The following SLC9A2 variants were observed in gnomAD, a reference collection of about 807,000 sequenced individuals.
The protein encoded by SLC9A2 is solute carrier family 9 member A2, also known as sodium/hydrogen exchanger 2.
Under a neutral mutation model 71.7 loss-of-function variants are expected in SLC9A2, and 42 were observed. The observed-to-expected ratio is 0.59, with a 90% CI of 0.46 to 0.76. SLC9A2 has a LOEUF of 0.76. SLC9A2 is among the 30% of genes least tolerant of loss of function. The pLI is 0.00. For synonymous variants in SLC9A2, 396 were observed against 392.5 expected (o/e 1.01, Z -0.10); for missense variants, 829 against 1,017.4 (o/e 0.81, Z 2.52).
chr2:102,641,084 G>A (rs138405294), intron 1 of SLC9A2, among the ~76,000 whole-genome samples: 1 of 152,296 alleles, frequency 6.6e-6, no homozygotes, highest in Non-Finnish European at 1.5e-5. Context: ...ACTACATACT[G>A]TATGAGGTAA....
intron 10 of SLC9A2, among the ~76,000 whole-genome samples, chr2:102,705,316 T>C (rs532067564): frequency 6.6e-6 from 1 of 152,324 alleles, no homozygotes; most frequent in Non-Finnish European, 1.5e-5. Context: ...AATGGTTATA[T>C]GTGAACAAGG....
chr2:102,672,207 T>C (rs1251628380), intron 3 of SLC9A2, among the ~76,000 whole-genome samples: 1 of 152,206 alleles, frequency 6.6e-6, no homozygotes, highest in Non-Finnish European at 1.5e-5. Context: ...GTAATTTCTA[T>C]ACTGATTTGA....
chr2:102,682,142 C>G (rs756470186), intron 3 of SLC9A2, among the ~76,000 whole-genome samples: 16 of 152,182 alleles, frequency 1.1e-4, no homozygotes, highest in Non-Finnish European at 2.1e-4. Context: ...GGGTGGCTCC[C>G]TCTAATCCCA....
intron 1 of SLC9A2, among the ~76,000 whole-genome samples, chr2:102,624,939 T>C (rs1256426762): frequency 2.6e-5 from 4 of 152,198 alleles, no homozygotes; most frequent in African/African-American, 9.7e-5. Flanking sequence ...GAAAAAAACT[T>C]ATCCTTGCAC....
intron 1 of SLC9A2, among the ~76,000 whole-genome samples, chr2:102,633,386 G>A (rs1160275576): frequency 6.6e-6 from 1 of 152,022 alleles, no homozygotes; most frequent in Non-Finnish European, 1.5e-5. Context: ...TTCCGGTGTG[G>A]TCTCCAGCAC....
rs1243272709 is a variant in SLC9A2 at position 102,708,266 on chromosome 2, C to T, written c.2216C>T (p.Ser739Phe). The change falls in exon 12 of 12, where the codon TCT becomes TTT. Residue 739 changes from serine to phenylalanine, a missense_variant. Around this residue, in one of 3 missense-constraint regions of SLC9A2, gnomAD observed 223 missense variants for 197.5 expected, o/e 1.13. Transcript: ENST00000233969. Reference protein sequence around the residue: ...MEWKNEVDVDSGRDMPSTPPT... With the variant: ...MEWKNEVDVDFGRDMPSTPPT... Reference sequence around the variant, plus strand: ...TGGAAGAATGAGGTAGATGTTGATTCTGGCCGAGATATGCCCAGCACCCCC... The same window carrying T: ...TGGAAGAATGAGGTAGATGTTGATTTTGGCCGAGATATGCCCAGCACCCCC... The T allele has an allele frequency of 6.2e-7, 1 of 1,614,104 alleles. No homozygotes were observed.
intron 11 of SLC9A2, 74 bp downstream of exon 11, chr2:102,706,010 T>C: frequency 5.8e-6 from 5 of 860,922 alleles, no homozygotes; most frequent in South Asian, 1.8e-5. Context: ...AATTTTCCTA[T>C]TATTTTTCTT....
rs779181985 is a variant in SLC9A2 at position 102,702,462 on chromosome 2, G to A, written c.1805G>A (p.Arg602Gln). The A allele has an allele frequency of 1.9e-6, 3 of 1,603,026 alleles. No individual in the cohort carries two copies. Among genetic ancestry groups the A allele is most frequent in the South Asian group, 1.1e-5 (1 of 89,218 alleles). ...ACGTCCAGTGAAACTGATGAAATTC[G>A]AGAACTCTTATCAAGAAATCTCTAT... ...KVTSSETDEI[R>Q]ELLSRNLYQI... is the part of the protein sequence containing the mutation. Residue 602 changes from arginine (R) to glutamine (Q), a missense_variant, in exon 9 of 12, where the codon CGA becomes CAA. This residue lies in a region of SLC9A2 where 500 missense variants were observed against 726.3 expected (regional missense o/e 0.69). Transcript: ENST00000233969.
At chr2:102,642,764 G>T (rs13010164) in intron 1 of SLC9A2, among the ~76,000 whole-genome samples, 57,104 of 151,978 alleles carry the variant, frequency 0.38, 11,575 homozygotes, top group East Asian at 0.68. Flanking sequence ...ATTCACTAGA[G>T]AAACTATATG....
At chr2:102,663,224 G>A (rs899200768) in intron 2 of SLC9A2, among the ~76,000 whole-genome samples, 51 of 152,184 alleles carry the variant, frequency 3.4e-4, no homozygotes, top group African/African-American at 1.2e-3. Flanking sequence ...AGGAGAATGA[G>A]TCTCTTTTGT....
intron 1 of SLC9A2, among the ~76,000 whole-genome samples, chr2:102,648,260 G>C (rs1002236324): frequency 6.6e-6 from 1 of 152,094 alleles, no homozygotes; most frequent in Non-Finnish European, 1.5e-5. Context: ...TATCTAAATA[G>C]ATGCAGAAAA....
At chr2:102,662,299 G>C (rs1160368449) in intron 2 of SLC9A2, among the ~76,000 whole-genome samples, 1 of 152,252 alleles carries the variant, frequency 6.6e-6, no homozygotes, top group Non-Finnish European at 1.5e-5. Context: ...GTGCGACCCA[G>C]CTGCAGATGC....
rs1193046215 is a variant in SLC9A2 at position 102,704,570 on chromosome 2, G to A, written c.1872G>A (p.Leu624=). ...QRTLSYNRHS[L]TADTSERQAK... ...CTTTATCCTACAACAGACACAGTCT[G>A]ACAGCCGACACAAGTGAGAGACAAG... The change falls in exon 10 of 12, where the codon CTG becomes CTA. Residue 624 remains leucine (L), a synonymous_variant. Coordinates refer to ENST00000233969, the MANE Select transcript of SLC9A2 (RefSeq NM_003048.6). 8.1e-6 allele frequency: 13 copies of A among 1,613,098 alleles called. No homozygotes were observed. The Admixed American group carries it at 2.2e-4, about 27-fold the overall frequency.
chr2:102,657,005 G>A (rs1307987283), intron 1 of SLC9A2, among the ~76,000 whole-genome samples: 1 of 152,124 alleles, frequency 6.6e-6, no homozygotes, highest in Non-Finnish European at 1.5e-5. Flanking sequence ...AGAAGTTCGA[G>A]ACCAGCCTGG....
chr2:102,676,995 C>T (rs529448100), intron 3 of SLC9A2, among the ~76,000 whole-genome samples: 1 of 152,154 alleles, frequency 6.6e-6, no homozygotes, highest in African/African-American at 2.4e-5. Flanking sequence ...TTGGTTAATT[C>T]TACACAGTTC....
At chr2:102,695,811 T>TA (rs1677756373) in intron 7 of SLC9A2, among the ~76,000 whole-genome samples, 1 of 100,646 alleles carries the variant, frequency 9.9e-6, no homozygotes, top group African/African-American at 3.7e-5. Flanking sequence ...TATATATATA[T>TA]ATAATATATA....
intron 3 of SLC9A2, among the ~76,000 whole-genome samples, chr2:102,682,774 CA>C (rs1306672296): frequency 6.6e-6 from 1 of 152,122 alleles, no homozygotes; most frequent in Admixed American, 6.5e-5. Flanking sequence ...AATTATATGG[CA>C]GGGGGGCTAC....
intron 1 of SLC9A2, among the ~76,000 whole-genome samples, chr2:102,638,160 G>A (rs1037932529): frequency 2.0e-5 from 3 of 150,286 alleles, no homozygotes; most frequent in African/African-American, 4.9e-5. Flanking sequence ...ATGGTGGCTC[G>A]TGGCCTGCAA....
At chr2:102,683,596 T>C in intron 4 of SLC9A2, 118 bp downstream of exon 4, 1 of 779,852 alleles carries the variant, frequency 1.3e-6, no homozygotes, top group South Asian at 1.8e-5. Context: ...TAATTTCTTC[T>C]TCTTTCTTAC....
Sources: allele counts gnomAD v4.1 joint callset (sites outside exome capture counted in the v4.1 genomes callset), GRCh38; gene constraint gnomAD v4.1.1; regional missense constraint gnomAD v4.1.1; transcripts MANE v1.5; gene names NCBI Gene and HGNC (gene_info 2026-07-23, HGNC 2026-07-21).